Variants in TTLL9 observed in about 807,000 individuals in gnomAD.
TTLL9 encodes tubulin tyrosine ligase like 9, also known as probable tubulin polyglutamylase TTLL9.
In TTLL9, 47 loss-of-function variants were observed where a neutral mutation model predicts 65.6. The observed-to-expected ratio is 0.72, with a 90% confidence interval of 0.57 to 0.91. The LOEUF is 0.91. TTLL9 is among the 40% of genes least tolerant of loss of function. The pLI, the probability that TTLL9 is intolerant of heterozygous loss-of-function variation, is 0.00. For synonymous variants in TTLL9, 179 were observed against 204.8 expected (o/e 0.87, Z 1.07); for missense variants, 537 against 568.8 (o/e 0.94, Z 0.57).
At chr20:31,934,048 C>T (rs1412861139) in intron 11 of TTLL9, among the ~76,000 whole-genome samples, 190 bp downstream of exon 11, 1 of 152,202 alleles carries the variant, frequency 6.6e-6, no homozygotes, top group Non-Finnish European at 1.5e-5. Context: ...TCATGTGTCT[C>T]AGTATTTAAA....
chr20:31,877,711 CA>C (rs2063056146), intron 2 of TTLL9, among the ~76,000 whole-genome samples: 1 of 152,134 alleles, frequency 6.6e-6, no homozygotes, highest in African/African-American at 2.4e-5. Flanking sequence ...ATCAAGTATA[CA>C]CACACACTCT....
At position 31,939,231 on chromosome 20, in the gene TTLL9, C is replaced by T. The variant is rs143699297; in HGVS notation, c.1208C>T (p.Ser403Leu). The change falls in exon 14 of 15, where the codon TCG (serine) becomes TTG (leucine). Residue 403 changes from serine (S) to leucine (L), a missense_variant. By Grantham distance (145) the Ser-to-Leu change is moderately radical (BLOSUM62 -2). This residue lies in a region of TTLL9 where 205 missense variants were observed against 225.9 expected (regional missense o/e 0.91). Transcript: ENST00000535842. ...VSREEGAPDL[S>L]GMGNFVTNTH... ...AGAGAGGAGGGGGCTCCTGACCTGT[C>T]GGGAATGGGAAACTTTGTGACCAAC... 9.3e-4 allele frequency: 1,498 copies of T among 1,613,218 alleles called. 16 individuals carry two copies. In the African/African-American group the frequency reaches 0.018, roughly 19 times the overall value.
intron 3 of TTLL9, among the ~76,000 whole-genome samples, chr20:31,892,325 C>T (rs1336930849): frequency 6.6e-6 from 1 of 151,466 alleles, no homozygotes; most frequent in Admixed American, 6.6e-5. Flanking sequence ...GATTACAGGC[C>T]ATCACGCCTG....
intron 2 of TTLL9, 22 bp from the exon 3 acceptor site, chr20:31,887,174 C>T: frequency 1.2e-6 from 2 of 1,613,838 alleles, no homozygotes; most frequent in East Asian, 2.2e-5. Context: ...CCAGTTACAT[C>T]CTTTTCCTTT....
chr20:31,878,283 C>CT (rs1239650440), intron 2 of TTLL9, among the ~76,000 whole-genome samples: 1 of 152,234 alleles, frequency 6.6e-6, no homozygotes, highest in Non-Finnish European at 1.5e-5. Context: ...TTCTGATGGA[C>CT]ATCTATTTCA....
chr20:31,873,833 A>G (rs201973894), intron 2 of TTLL9, among the ~76,000 whole-genome samples: 105 of 74,500 alleles, frequency 1.4e-3, no homozygotes, highest in South Asian at 6.2e-3. Flanking sequence ...AGAAAGAAAG[A>G]AAGAAAGAAA....
Position 31,898,542 on chromosome 20 carries a change from G to T in TTLL9, c.183G>T (p.Arg61Ser), listed in dbSNP as rs1158546188. 3.1e-6 allele frequency: 5 copies of T among 1,614,056 alleles called. No homozygotes were observed. In the African/African-American group the frequency reaches 5.3e-5, roughly 17 times the overall value. ...CACTCATGGACGTCCTTCGCCACAG[G>T]CCAGGATGGGTGGAAGTGAAGGAGT... ...MNTLMDVLRH[R>S]PGWVEVKDEG... Residue 61 changes from arginine to serine, a missense_variant, in exon 4 of 15, where the codon AGG (arginine) becomes AGT (serine). Transcript: ENST00000535842.
Position 31,935,632 on chromosome 20 carries a change from C to G in TTLL9, c.1004+744C>G, listed in dbSNP as rs554720561. 1.2e-4 allele frequency among the ~76,000 whole-genome samples: 18 copies of G among 152,352 alleles called. No homozygotes were observed. The South Asian group carries it at 3.7e-3, about 32-fold the overall frequency. On this transcript the variant is annotated intron_variant, in intron 12 of 14. Transcript: ENST00000535842. Reference sequence around the variant, plus strand: ...AAACAGGGTCCTGGCACCAGCAGGTCTCTCTCCTTTGTCCCCTGCAGCAGG... The same window carrying G: ...AAACAGGGTCCTGGCACCAGCAGGTGTCTCTCCTTTGTCCCCTGCAGCAGG...
chr20:31,924,686 C>A (rs531019951), intron 8 of TTLL9, among the ~76,000 whole-genome samples: 1 of 152,126 alleles, frequency 6.6e-6, no homozygotes, highest in South Asian at 2.1e-4. Context: ...TGGGCTCAAG[C>A]GATCCTCCTG....
Position 31,922,952 on chromosome 20 carries a change from A to C in TTLL9, c.574-11A>C. The C allele has an allele frequency of 9.4e-6, 15 of 1,600,474 alleles. No individual in the cohort carries two copies. Among genetic ancestry groups the C allele is most frequent in the Non-Finnish European group, 1.3e-5 (15 of 1,168,158 alleles). On this transcript the variant is annotated splice_polypyrimidine_tract_variant and intron_variant, in intron 7 of 14. Transcript: ENST00000535842. The stretch of plus-strand genomic sequence containing the variant: ...AAATAAATGTTCAATTATTATTATT[A>C]TTACAACTAGGACACAAGAAGCTCT...
chr20:31,923,841 C>T (rs2063852117), intron 8 of TTLL9, among the ~76,000 whole-genome samples: 1 of 152,090 alleles, frequency 6.6e-6, no homozygotes, highest in African/African-American at 2.4e-5. Flanking sequence ...CACAGTGACC[C>T]CATCCTGTCT....
intron 12 of TTLL9, 115 bp downstream of exon 12, chr20:31,935,003 T>C: frequency 9.8e-7 from 1 of 1,015,568 alleles, no homozygotes; most frequent in East Asian, 2.5e-5. Context: ...TGTGCACACT[T>C]ACATTTACTG....
intron 4 of TTLL9, among the ~76,000 whole-genome samples, chr20:31,904,115 A>G (rs1008127528): frequency 1.1e-4 from 16 of 152,316 alleles, no homozygotes; most frequent in African/African-American, 3.9e-4. Context: ...CACAGAAGTG[A>G]TGCTGTGCCC....
chr20:31,906,857 C>T (rs966382603), intron 4 of TTLL9, among the ~76,000 whole-genome samples: 2 of 152,070 alleles, frequency 1.3e-5, no homozygotes, highest in Non-Finnish European at 2.9e-5. Context: ...ACCATGTTGG[C>T]CAGGCTGGTC....
In TTLL9 at chr20:31,927,107, T is replaced by A. The variant is rs549453333; in HGVS notation, c.748+1016T>A. On this transcript the variant is annotated intron_variant, in intron 10 of 14. Transcript: ENST00000535842. ...GCCAGTCCAGGTGACAGAGCAAGAC[T>A]GTATGTCAAAAAAAAAAAAAATCTC... 2.7e-5 allele frequency among the ~76,000 whole-genome samples: 4 copies of A among 148,714 alleles called. No individual in the cohort carries two copies. In the South Asian group the frequency reaches 8.4e-4, roughly 31 times the overall value.
intron 6 of TTLL9, among the ~76,000 whole-genome samples, chr20:31,912,994 C>CA (rs989333919): frequency 4.0e-5 from 6 of 151,820 alleles, no homozygotes; most frequent in African/African-American, 1.5e-4. Flanking sequence ...TTAGTCTCTA[C>CA]AAAAAATACA....
chr20:31,908,178 G>T (rs548070662), intron 4 of TTLL9, among the ~76,000 whole-genome samples: 3 of 152,168 alleles, frequency 2.0e-5, no homozygotes, highest in Non-Finnish European at 4.4e-5. Context: ...GCTTGCAAAG[G>T]TTATCTCATT....
chr20:31,875,296 G>A (rs965381072), intron 2 of TTLL9, among the ~76,000 whole-genome samples: 1 of 152,170 alleles, frequency 6.6e-6, no homozygotes, highest in Non-Finnish European at 1.5e-5. Context: ...ATACCTAGTA[G>A]AAAGACTGGA....
chr20:31,879,802 G>C (rs1214080329), intron 2 of TTLL9: 17 of 1,546,600 alleles, frequency 1.1e-5, no homozygotes, highest in African/African-American at 1.4e-5. Flanking sequence ...CCAGGCGCCT[G>C]TCTGTCGCCT....
Sources: gnomAD v4.1 joint callset for allele counts (sites outside exome capture counted in the v4.1 genomes callset) on GRCh38, gnomAD v4.1.1 for gene constraint, gnomAD v4.1.1 regional missense constraint, MANE v1.5 for transcripts, NCBI Gene and HGNC (gene_info 2026-07-23, HGNC 2026-07-21) for gene names.